The following CACNA1E variants were observed in gnomAD, a reference collection of about 807,000 sequenced individuals.
The protein encoded by CACNA1E is calcium voltage-gated channel subunit alpha1 E.
In CACNA1E, 40 loss-of-function variants were observed where a neutral mutation model predicts 259.2. That is an observed-to-expected ratio of 0.15 (90% CI 0.12 to 0.20). CACNA1E has a LOEUF of 0.20. Among genes scored for constraint, CACNA1E ranks in the 10% least tolerant of loss-of-function variants. CACNA1E has a pLI of 1.00. For synonymous variants in CACNA1E, 1,104 were observed against 1,138.5 expected (o/e 0.97, Z 0.61); for missense variants, 1,874 against 3,040.1 (o/e 0.62, Z 9.02).
In CACNA1E at chr1:181,711,013, G is replaced by T; in HGVS notation, c.1115G>T (p.Arg372Leu). 1.9e-6 allele frequency: 3 copies of T among 1,613,860 alleles called. No individual in the cohort carries two copies. The change falls in exon 8 of 48, where the codon CGC (arginine) becomes CTC (leucine). Residue 372 changes from arginine (R) to leucine (L), a missense_variant. Coordinates refer to ENST00000367573, the MANE Select transcript of CACNA1E (RefSeq NM_001205293.3). ...ENRRAFMKLR[R>L]QQQIERELNG... ...CGAAGGGCTTTCATGAAGCTGCGGC[G>T]CCAGCAGCAGATTGAGCGTGAGCTG...
In CACNA1E at chr1:181,720,357, C is replaced by T. The variant is rs1251633439; in HGVS notation, c.1883+20C>T. The T allele has an allele frequency of 6.2e-7, 1 of 1,607,956 alleles. No individual in the cohort carries two copies. The highest frequency in any genetic ancestry group is 8.5e-7 in the Non-Finnish European group (1 of 1,177,406). On this transcript the variant is annotated intron_variant, in intron 14 of 47. Coordinates refer to ENST00000367573, the MANE Select transcript of CACNA1E (RefSeq NM_001205293.3). The stretch of plus-strand genomic sequence containing the variant: ...AGGCAGGTAAGTGCCCAGAAGCTTT[C>T]CATCCAAAGGAGGCTCAAAACCCAG...
chr1:181,720,834 A>G lies in CACNA1E; in HGVS notation c.1935A>G (p.Ala645=), dbSNP rs183395195. The change falls in exon 15 of 48, where the codon GCA becomes GCG. Residue 645 remains alanine (A), a synonymous_variant. Transcript: ENST00000367573. ...TPSANFDTFP[A]AIMTVFQILT... ...CGGCAAATTTTGATACCTTCCCTGC[A>G]GCCATCATGACTGTGTTCCAGGTAT... The G allele has an allele frequency of 1.4e-3, 2,189 of 1,612,066 alleles. 1 individual carries two copies. The highest frequency in any genetic ancestry group is 2.0e-3 in the Middle Eastern group (12 of 6,058).
At chr1:181,431,509 A>T (rs1659712237) in intron 2 of CACNA1E, among the ~76,000 whole-genome samples, 1 of 152,198 alleles carries the variant, frequency 6.6e-6, no homozygotes, top group Non-Finnish European at 1.5e-5. Flanking sequence ...AAAGTAGGGT[A>T]GCTTCTACTT....
intron 3 of CACNA1E, among the ~76,000 whole-genome samples, chr1:181,542,040 A>G (rs1025251676): frequency 9.2e-5 from 14 of 152,154 alleles, no homozygotes; most frequent in Non-Finnish European, 2.1e-4. Context: ...TTACCATATC[A>G]TGAGGACACT....
At chr1:181,433,102 G>T (rs1659826537) in intron 2 of CACNA1E, among the ~76,000 whole-genome samples, 1 of 152,168 alleles carries the variant, frequency 6.6e-6, no homozygotes, top group African/African-American at 2.4e-5. Context: ...GAATGGTGCT[G>T]CCCTCCAGAG....
At position 181,402,702 on chromosome 1, in the gene CACNA1E, T is replaced by C. The variant is rs533401667; in HGVS notation, c.-14-10431T>C. ...GGTCAGGTGGAACCTGGCACAAACA[T>C]GTATGAACTTATTACCCCCCTGCAC... On this transcript the variant is annotated intron_variant, in intron 1 of 11. Coordinates refer to the CACNA1E transcript ENST00000524607. Among the ~76,000 whole-genome samples the C allele has an allele frequency of 5.9e-5, 9 of 152,246 alleles. No homozygotes were observed. In the East Asian group the frequency reaches 1.7e-3, roughly 29 times the overall value.
intron 1 of CACNA1E, among the ~76,000 whole-genome samples, chr1:181,401,402 C>T (rs765259114): frequency 1.3e-5 from 2 of 152,188 alleles, no homozygotes; most frequent in Non-Finnish European, 2.9e-5. Flanking sequence ...GAGCACAAAT[C>T]AAGGTTCATG....
intron 39 of CACNA1E, 100 bp from the exon 40 acceptor site, chr1:181,783,579 G>A (rs768650764): frequency 5.8e-5 from 37 of 640,988 alleles, no homozygotes; most frequent in Non-Finnish European, 7.9e-5. Flanking sequence ...CTTCTTTTTC[G>A]TCTGTGCATT....
intron 1 of CACNA1E, among the ~76,000 whole-genome samples, chr1:181,505,529 GC>G (rs941686724): frequency 4.6e-4 from 70 of 152,142 alleles, no homozygotes; most frequent in African/African-American, 1.6e-3. Flanking sequence ...GTGCCACCAT[GC>G]CTGGCTAACA....
In CACNA1E at chr1:181,807,910, T is replaced by C. The variant is rs1385911406; in HGVS notation, c.*9076T>C. On this transcript the variant is annotated 3_prime_UTR_variant, in exon 48 of 48. Coordinates refer to ENST00000367573, the MANE Select transcript of CACNA1E (RefSeq NM_001205293.3). The stretch of plus-strand genomic sequence containing the variant: ...ATTGGAGTTAGAATCTGACAACCTT[T>C]AACTTCACACTTTTATGAGATAATA... The C allele has an allele frequency of 6.6e-6, 1 of 152,198 alleles. No individual in the cohort carries two copies. Among genetic ancestry groups the C allele is most frequent in the African/African-American group, 2.4e-5 (1 of 41,448 alleles). The allele number at this position is 152,198 out of a possible 1,614,324, so 9.4% of individuals were successfully genotyped here. A position where few individuals can be genotyped will look rare whatever the true frequency, so the allele number is the denominator to read the frequency against.
intron 2 of CACNA1E, among the ~76,000 whole-genome samples, chr1:181,460,030 CGT>C (rs1205977557): frequency 1.3e-5 from 2 of 152,144 alleles, no homozygotes; most frequent in African/African-American, 4.8e-5. Flanking sequence ...TGCTTCCTTG[CGT>C]TTGCATACCT....
chr1:181,731,158 C>G lies in CACNA1E; in HGVS notation c.2241-17C>G, dbSNP rs376128725. 6.2e-7 allele frequency: 1 copy of G among 1,610,724 alleles called. No homozygotes were observed. The highest frequency in any genetic ancestry group is 8.5e-7 in the Non-Finnish European group (1 of 1,177,128). On this transcript the variant is annotated splice_polypyrimidine_tract_variant and intron_variant, in intron 18 of 47. Coordinates refer to ENST00000367573, the MANE Select transcript of CACNA1E (RefSeq NM_001205293.3). The stretch of plus-strand genomic sequence containing the variant: ...AGAGGTTGGGGTGAACTGAACCTGT[C>G]CATTTTTCTTCCCCAGAAGAGACAG...
At chr1:181,573,508 C>T (rs1162214747) in intron 3 of CACNA1E, among the ~76,000 whole-genome samples, 1 of 152,200 alleles carries the variant, frequency 6.6e-6, no homozygotes, top group Non-Finnish European at 1.5e-5. Flanking sequence ...CTCTGTCTCT[C>T]TAGCTCTCTT....
At position 181,799,233 on chromosome 1, in the gene CACNA1E, C is replaced by A. The variant is rs74595936; in HGVS notation, c.*399C>A. The A allele has an allele frequency of 6.1e-6, 1 of 162,832 alleles. No individual in the cohort carries two copies. Among genetic ancestry groups the A allele is most frequent in the Non-Finnish European group, 1.3e-5 (1 of 75,042 alleles). The allele number at this position is 162,832 out of a possible 1,614,324, so 10.1% of individuals were successfully genotyped here. A position where few individuals can be genotyped will look rare whatever the true frequency, so the allele number is the denominator to read the frequency against. On this transcript the variant is annotated 3_prime_UTR_variant, in exon 48 of 48. Coordinates refer to ENST00000367573, the MANE Select transcript of CACNA1E (RefSeq NM_001205293.3). ...GCCTGGAAGACTTTCTGGCTCTTAACTGGGGAGTAGTGGAGACCATAGGAG... is the reference window on the plus strand; with the variant it reads ...GCCTGGAAGACTTTCTGGCTCTTAAATGGGGAGTAGTGGAGACCATAGGAG...
At chr1:181,491,264 T>C (rs972074956) in intron 1 of CACNA1E, among the ~76,000 whole-genome samples, 3 of 152,364 alleles carry the variant, frequency 2.0e-5, no homozygotes, top group Admixed American at 6.5e-5. Flanking sequence ...TTTGTGTTGA[T>C]GTCAGACATA....
Position 181,802,125 on chromosome 1 carries a change from A to G in CACNA1E, c.*3291A>G, listed in dbSNP as rs747284784. 5 of 152,246 alleles carry G rather than the reference A, an allele frequency of 3.3e-5. No individual in the cohort carries two copies. The highest frequency in any genetic ancestry group is 1.9e-4 in the East Asian group (1 of 5,194). The allele number at this position is 152,246 out of a possible 1,614,324, so 9.4% of individuals were successfully genotyped here. On this transcript the variant is annotated 3_prime_UTR_variant, in exon 48 of 48. Transcript: ENST00000367573. ...CCAAGGTGCCCCTGAGCCAGGGTCA[A>G]CATAGAATTTCCTGCCCCGTGAAGG...
chr1:181,523,888 G>A (rs1487652282), intron 3 of CACNA1E, among the ~76,000 whole-genome samples: 1 of 152,198 alleles, frequency 6.6e-6, no homozygotes, highest in Admixed American at 6.5e-5. Flanking sequence ...AGAAGTAGAA[G>A]TTAGATACAA....
Position 181,718,067 on chromosome 1 carries a change from T to G in CACNA1E, c.1538T>G (p.Phe513Cys). Residue 513 changes from phenylalanine (F) to cysteine (C), a missense_variant, in exon 12 of 48, where the codon TTT (phenylalanine) becomes TGT (cysteine). By Grantham distance (205) the Phe-to-Cys change is radical. Transcript: ENST00000367573. ...TTAATACTTCCAGACTATGCAGAATTTCTGTTTCTGGGACTCTTCCTCTTG... is the reference window on the plus strand; with the variant it reads ...TTAATACTTCCAGACTATGCAGAATGTCTGTTTCTGGGACTCTTCCTCTTG... The part of the protein sequence containing the change: ...WLTHLLYYAE[F>C]LFLGLFLLEM... 1 of 1,581,066 alleles carries G rather than the reference T, an allele frequency of 6.3e-7. No homozygotes were observed. Among genetic ancestry groups the G allele is most frequent in the Non-Finnish European group, 8.7e-7 (1 of 1,150,286 alleles).
intron 27 of CACNA1E, among the ~76,000 whole-genome samples, chr1:181,754,464 A>G (rs1657889458): frequency 1.3e-5 from 2 of 152,192 alleles, no homozygotes; most frequent in Non-Finnish European, 2.9e-5. Context: ...TAACCTGAAA[A>G]TGCCCTGCAA....
Sources: allele counts gnomAD v4.1 joint callset (sites outside exome capture counted in the v4.1 genomes callset), GRCh38; gene constraint gnomAD v4.1.1; transcripts MANE v1.5; gene names NCBI Gene and HGNC (gene_info 2026-07-23, HGNC 2026-07-21).